Variants in ST6GALNAC3 observed in about 807,000 individuals in gnomAD.
ST6GALNAC3 encodes alpha-N-acetylgalactosaminide alpha-2,6-sialyltransferase 3.
Under a neutral mutation model 32.7 loss-of-function variants are expected in ST6GALNAC3, and 25 were observed. The observed-to-expected ratio is 0.76, with a 90% confidence interval of 0.56 to 1.07. ST6GALNAC3 has a LOEUF of 1.07. ST6GALNAC3 is among the 50% of genes least tolerant of loss of function. The pLI is 0.00. For missense variants in ST6GALNAC3, 355 were observed against 382.4 expected (o/e 0.93, Z 0.60); for synonymous variants, 129 against 133.1 (o/e 0.97, Z 0.21).
intron 1 of ST6GALNAC3, among the ~76,000 whole-genome samples, chr1:76,081,246 A>G (rs1163722161): frequency 6.6e-6 from 1 of 151,482 alleles, no homozygotes; most frequent in East Asian, 1.9e-4. Context: ...TGTCTGGGCC[A>G]CACATAAAAT....
intron 1 of ST6GALNAC3, among the ~76,000 whole-genome samples, chr1:76,108,277 A>C (rs558662867): frequency 7.2e-5 from 11 of 152,146 alleles, no homozygotes; most frequent in Non-Finnish European, 1.5e-4. Flanking sequence ...AGATTCCTAA[A>C]TCTCATTGAG....
At chr1:76,487,833 CT>C (rs912346264) in intron 3 of ST6GALNAC3, among the ~76,000 whole-genome samples, 1 of 152,166 alleles carries the variant, frequency 6.6e-6, no homozygotes, top group Non-Finnish European at 1.5e-5. Context: ...CTTTTCTGCT[CT>C]GTTTTTCCCC....
intron 3 of ST6GALNAC3, among the ~76,000 whole-genome samples, chr1:76,502,310 C>A (rs1386841487): frequency 6.6e-6 from 1 of 152,160 alleles, no homozygotes; most frequent in African/African-American, 2.4e-5. Context: ...CATAAACCAC[C>A]TTTTGAGGTA....
At position 76,183,715 on chromosome 1, in the gene ST6GALNAC3, A is replaced by G. The variant is rs1001100892; in HGVS notation, c.18+108831A>G. 2.6e-5 allele frequency among the ~76,000 whole-genome samples: 4 copies of G among 151,822 alleles called. No individual in the cohort carries two copies. In the East Asian group the frequency reaches 7.7e-4, roughly 29 times the overall value. On this transcript the variant is annotated intron_variant, in intron 1 of 4. Coordinates refer to ENST00000328299, the MANE Select transcript of ST6GALNAC3 (RefSeq NM_152996.4). ...GCTACTGTACTGGATACTATAGGCA[A>G]TTGTGACACAATGGTAAGTATTTGT...
At chr1:76,223,423 A>G (rs1261235552) in intron 1 of ST6GALNAC3, among the ~76,000 whole-genome samples, 1 of 152,140 alleles carries the variant, frequency 6.6e-6, no homozygotes, top group Non-Finnish European at 1.5e-5. Flanking sequence ...GGGAGGAGAG[A>G]GAGGATCGAA....
At chr1:76,262,284 G>A (rs2100731704) in intron 1 of ST6GALNAC3, among the ~76,000 whole-genome samples, 1 of 152,308 alleles carries the variant, frequency 6.6e-6, no homozygotes, top group Middle Eastern at 3.4e-3. Flanking sequence ...TCCCAGGTTA[G>A]TGGAACCAGT....
At chr1:76,184,281 G>C (rs761091328) in intron 1 of ST6GALNAC3, among the ~76,000 whole-genome samples, 60 of 152,114 alleles carry the variant, frequency 3.9e-4, no homozygotes, top group Non-Finnish European at 7.6e-4. Flanking sequence ...GCTCACGCCT[G>C]TAATCCCAGC....
At chr1:76,112,122 A>C (rs1372307859) in intron 1 of ST6GALNAC3, among the ~76,000 whole-genome samples, 222 of 54,788 alleles carry the variant, frequency 4.1e-3, no homozygotes, top group Admixed American at 9.0e-3. Flanking sequence ...GGGGGCTGAC[A>C]CTCCCACCTC....
intron 3 of ST6GALNAC3, 96 bp from the exon 4 acceptor site, chr1:76,627,356 T>C: frequency 1.3e-6 from 1 of 783,070 alleles, no homozygotes; most frequent in South Asian, 1.6e-5. Context: ...GCTATGTTTT[T>C]GATGAAATGT....
intron 1 of ST6GALNAC3, among the ~76,000 whole-genome samples, chr1:76,075,159 A>T (rs955893356): frequency 6.6e-6 from 1 of 152,188 alleles, no homozygotes; most frequent in Non-Finnish European, 1.5e-5. Flanking sequence ...TGTGTGCCGA[A>T]TAATGGGGAT....
chr1:76,265,637 G>A (rs1013008716), intron 1 of ST6GALNAC3, among the ~76,000 whole-genome samples: 1 of 152,088 alleles, frequency 6.6e-6, no homozygotes, highest in Non-Finnish European at 1.5e-5. Flanking sequence ...ATCACAGAAT[G>A]GACCCTGGCT....
intron 3 of ST6GALNAC3, among the ~76,000 whole-genome samples, chr1:76,550,854 C>G (rs1236520368): frequency 6.6e-6 from 1 of 152,104 alleles, no homozygotes; most frequent in Non-Finnish European, 1.5e-5. Flanking sequence ...CTCCCGGGTT[C>G]AAGCGATTTT....
intron 3 of ST6GALNAC3, among the ~76,000 whole-genome samples, chr1:76,430,949 G>A (rs1655710226): frequency 6.6e-6 from 1 of 152,126 alleles, no homozygotes; most frequent in Admixed American, 6.6e-5. Context: ...ATCGTGTAAA[G>A]CCTCTTGGTA....
At chr1:76,473,278 C>T (rs1052023862) in intron 3 of ST6GALNAC3, among the ~76,000 whole-genome samples, 1 of 151,964 alleles carries the variant, frequency 6.6e-6, no homozygotes, top group African/African-American at 2.4e-5. Context: ...TGACACTAGC[C>T]AGAATGTATA....
chr1:76,447,609 G>C (rs1657073021), intron 3 of ST6GALNAC3, among the ~76,000 whole-genome samples: 1 of 152,098 alleles, frequency 6.6e-6, no homozygotes, highest in Non-Finnish European at 1.5e-5. Context: ...GGTTTCGTGG[G>C]CCAGGCCCAG....
At chr1:76,304,104 A>G (rs935367822) in intron 1 of ST6GALNAC3, among the ~76,000 whole-genome samples, 6 of 152,040 alleles carry the variant, frequency 3.9e-5, no homozygotes, top group Non-Finnish European at 7.4e-5. Flanking sequence ...GAAATTTTTG[A>G]AATAATTTAG....
intron 3 of ST6GALNAC3, among the ~76,000 whole-genome samples, chr1:76,476,225 C>G (rs1330805532): frequency 2.0e-5 from 3 of 152,104 alleles, no homozygotes; most frequent in Non-Finnish European, 1.5e-5. Flanking sequence ...ATGCAGAAGG[C>G]AAACTTTCTA....
At chr1:76,441,909 C>T (rs1038980766) in intron 3 of ST6GALNAC3, among the ~76,000 whole-genome samples, 3 of 152,156 alleles carry the variant, frequency 2.0e-5, no homozygotes, top group Non-Finnish European at 4.4e-5. Context: ...TGATGTCAGC[C>T]ACAATCTTCA....
intron 1 of ST6GALNAC3, among the ~76,000 whole-genome samples, chr1:76,171,541 G>A (rs1324591388): frequency 6.7e-6 from 1 of 150,368 alleles, no homozygotes; most frequent in Admixed American, 6.6e-5. Context: ...TAGACCATTA[G>A]CTAGACTAAT....
Sources: gnomAD v4.1 joint callset for allele counts (sites outside exome capture counted in the v4.1 genomes callset) on GRCh38, gnomAD v4.1.1 for gene constraint, MANE v1.5 for transcripts, NCBI Gene and HGNC (gene_info 2026-07-23, HGNC 2026-07-21) for gene names.